Variants in ME3 observed in about 807,000 individuals in gnomAD.
ME3 encodes malic enzyme 3, also known as NADP-dependent malic enzyme, mitochondrial.
Under a neutral mutation model 68.9 loss-of-function variants are expected in ME3, and 48 were observed. The observed-to-expected ratio is 0.70, with a 90% CI of 0.55 to 0.89. ME3 has a LOEUF of 0.89. Ranked by LOEUF, ME3 falls within the 40% of genes least tolerant of loss-of-function variation. The probability of loss-of-function intolerance (pLI) is 0.00; values close to 1 mark genes in which losing one functional copy is unlikely to be tolerated. For synonymous variants in ME3, 320 were observed against 318.8 expected (o/e 1.00, Z -0.04); for missense variants, 675 against 797.4 (o/e 0.85, Z 1.85).
At chr11:86,566,844 C>T (rs1187844423) in intron 2 of ME3, among the ~76,000 whole-genome samples, 1 of 152,144 alleles carries the variant, frequency 6.6e-6, no homozygotes, top group East Asian at 1.9e-4. Flanking sequence ...CTATAGTACA[C>T]ATCCTCCCAG....
intron 2 of ME3, among the ~76,000 whole-genome samples, chr11:86,609,175 A>G (rs566666308): frequency 6.6e-6 from 1 of 152,344 alleles, no homozygotes; most frequent in African/African-American, 2.4e-5. Context: ...TCTCTTAAAC[A>G]CAATAAAATA....
At chr11:86,594,263 A>G (rs1959180919) in intron 2 of ME3, among the ~76,000 whole-genome samples, 1 of 146,860 alleles carries the variant, frequency 6.8e-6, no homozygotes, top group African/African-American at 2.5e-5. Flanking sequence ...ATGATTTAAA[A>G]TTGTTGCTAA....
intron 2 of ME3, among the ~76,000 whole-genome samples, chr11:86,637,349 C>CAAAAAAAAAAAAAAAAA (rs11402713): frequency 3.3e-5 from 4 of 122,066 alleles, no homozygotes; most frequent in Non-Finnish European, 5.0e-5. Context: ...ACAAGAAGCA[C>CAAAAAAAAAAAAAAAAA]AAAAAAAAAA....
chr11:86,511,757 G>A (rs535136195), intron 4 of ME3, among the ~76,000 whole-genome samples: 57 of 152,126 alleles, frequency 3.7e-4, no homozygotes, highest in African/African-American at 1.2e-3. Flanking sequence ...CATGTGGCTC[G>A]AGGTCACAAG....
chr11:86,523,863 T>A (rs950763400), intron 4 of ME3, among the ~76,000 whole-genome samples: 4 of 152,262 alleles, frequency 2.6e-5, no homozygotes, highest in African/African-American at 9.6e-5. Context: ...AAATAGAATA[T>A]CACTTCAGAA....
At position 86,651,236 on chromosome 11, in the gene ME3, G is replaced by T. The variant is rs562203060; in HGVS notation, c.183+20526C>A. On this transcript the variant is annotated intron_variant, in intron 2 of 14. Coordinates refer to ENST00000543262, the Ensembl canonical transcript of ME3. ...TTAAATGTCCCTGTCTGACAGCTTG[G>T]AAGACAGTAGTGGTTCTCCCAGCAC... is the stretch of plus-strand genomic sequence containing the variant. Among the ~76,000 whole-genome samples, 20 of 152,328 alleles carry T rather than the reference G, an allele frequency of 1.3e-4. No homozygotes were observed. In the East Asian group the frequency reaches 3.9e-3, roughly 29 times the overall value.
At chr11:86,496,150 A>T (rs1952315275) in intron 6 of ME3, among the ~76,000 whole-genome samples, 1 of 152,168 alleles carries the variant, frequency 6.6e-6, no homozygotes, top group Non-Finnish European at 1.5e-5. Context: ...TCAAGTCTGC[A>T]ATCTCAGCAC....
At chr11:86,485,498 C>T (rs1203803276) in intron 7 of ME3, among the ~76,000 whole-genome samples, 1 of 152,152 alleles carries the variant, frequency 6.6e-6, no homozygotes, top group Non-Finnish European at 1.5e-5. Context: ...TGGCCATATC[C>T]CAATAGCAGC....
intron 9 of ME3, 147 bp downstream of exon 9, chr11:86,450,154 G>T: frequency 1.0e-6 from 1 of 974,912 alleles, no homozygotes; most frequent in Non-Finnish European, 1.6e-6. Flanking sequence ...ACACCCAATT[G>T]TCAGAGCCTA....
At chr11:86,592,050 G>C (rs78952578) in intron 2 of ME3, among the ~76,000 whole-genome samples, 5,395 of 152,260 alleles carry the variant, frequency 0.035, 128 homozygotes, top group Non-Finnish European at 0.053. Flanking sequence ...AATCTCACGT[G>C]AAGTCCAAGC....
chr11:86,446,410 C>T (rs745577088), exon 13 of ME3: 40 of 1,614,108 alleles, frequency 2.5e-5, no homozygotes, highest in Middle Eastern at 3.3e-4. Context: ...CATTGTTTCC[C>T]TGCCCAGGAA....
intron 2 of ME3, among the ~76,000 whole-genome samples, chr11:86,601,204 A>G (rs1157642191): frequency 6.6e-6 from 1 of 151,904 alleles, no homozygotes; most frequent in East Asian, 1.9e-4. Flanking sequence ...ATAGACTGCT[A>G]GCAAGACTAA....
intron 7 of ME3, among the ~76,000 whole-genome samples, chr11:86,475,288 CT>C (rs1565828844): frequency 6.6e-6 from 1 of 152,154 alleles, no homozygotes; most frequent in African/African-American, 2.4e-5. Flanking sequence ...AGTACCTCCC[CT>C]TTTGCTCTCC....
chr11:86,480,765 A>T (rs569997663), intron 7 of ME3, among the ~76,000 whole-genome samples: 1 of 152,338 alleles, frequency 6.6e-6, no homozygotes, highest in African/African-American at 2.4e-5. Flanking sequence ...AGGGGATTCC[A>T]GCAGAAACAA....
chr11:86,555,376 T>G (rs1956876118), intron 4 of ME3, among the ~76,000 whole-genome samples: 1 of 152,132 alleles, frequency 6.6e-6, no homozygotes, highest in African/African-American at 2.4e-5. Context: ...TACCATCAGC[T>G]CCTAATGTCT....
chr11:86,607,169 C>T (rs1961791274), intron 2 of ME3, among the ~76,000 whole-genome samples: 2 of 152,178 alleles, frequency 1.3e-5, no homozygotes, highest in South Asian at 4.1e-4. Context: ...AACACATTCA[C>T]AGCCATGAAG....
chr11:86,539,246 A>C (rs1955884407), intron 4 of ME3, among the ~76,000 whole-genome samples: 1 of 152,124 alleles, frequency 6.6e-6, no homozygotes, highest in South Asian at 2.1e-4. Context: ...GAACTCATCC[A>C]GTAAATCTTT....
chr11:86,487,423 A>G (rs766128317), exon 7 of ME3: 1 of 1,613,688 alleles, frequency 6.2e-7, no homozygotes, highest in Non-Finnish European at 8.5e-7. Flanking sequence ...CGATGTACAG[A>G]GGGTCTCTGA....
chr11:86,532,595 A>C (rs978698052), intron 4 of ME3, among the ~76,000 whole-genome samples: 7 of 152,246 alleles, frequency 4.6e-5, no homozygotes, highest in African/African-American at 1.7e-4. Flanking sequence ...AATACGTGGA[A>C]ATTAAACAAC....
Sources: gnomAD v4.1 joint callset for allele counts (sites outside exome capture counted in the v4.1 genomes callset) on GRCh38, gnomAD v4.1.1 for gene constraint, MANE v1.5 for transcripts, NCBI Gene and HGNC (gene_info 2026-07-23, HGNC 2026-07-21) for gene names.